Variants in TMC7 observed in about 807,000 individuals in gnomAD.
The protein encoded by TMC7 is transmembrane channel-like protein 7.
In TMC7, 54 loss-of-function variants were observed where a neutral mutation model predicts 82.9. The ratio of observed to expected loss-of-function variants is 0.65; its 90% CI spans 0.52 to 0.82. TMC7 has a LOEUF of 0.82. TMC7 is among the 40% of genes least tolerant of loss of function. TMC7 has a pLI of 0.00. For missense variants in TMC7, 820 were observed against 901.2 expected (o/e 0.91, Z 1.15); for synonymous variants, 350 against 337.9 (o/e 1.04, Z -0.39).
intron 6 of TMC7, among the ~76,000 whole-genome samples, chr16:19,031,657 C>T (rs555697017): frequency 3.9e-5 from 6 of 152,138 alleles, no homozygotes; most frequent in African/African-American, 7.2e-5. Flanking sequence ...GGCGACAGAG[C>T]GAGACTCTGT....
intron 3 of TMC7, among the ~76,000 whole-genome samples, chr16:19,018,988 C>A (rs1241786358): frequency 6.6e-6 from 1 of 152,138 alleles, no homozygotes; most frequent in Non-Finnish European, 1.5e-5. Context: ...GTAGCTGAGA[C>A]TACAGGCACG....
At chr16:18,990,080 T>C (rs1485196226) in intron 1 of TMC7, among the ~76,000 whole-genome samples, 1 of 151,986 alleles carries the variant, frequency 6.6e-6, no homozygotes, top group Non-Finnish European at 1.5e-5. Context: ...GGGGTGGATC[T>C]CACAAAGTAC....
intron 1 of TMC7, among the ~76,000 whole-genome samples, chr16:19,002,569 C>T (rs1289429559): frequency 6.6e-6 from 1 of 152,166 alleles, no homozygotes; most frequent in Non-Finnish European, 1.5e-5. Flanking sequence ...CAAGACACCG[C>T]TTTTAAGCCT....
At chr16:19,056,197 C>A (rs149385324) in intron 13 of TMC7, among the ~76,000 whole-genome samples, 1 of 151,574 alleles carries the variant, frequency 6.6e-6, no homozygotes, top group South Asian at 2.1e-4. Context: ...TCAAGTGATT[C>A]TCCTACCTCA....
rs564588438 is a variant in TMC7 at position 19,050,120 on chromosome 16, C to G, written c.1741-1566C>G. ...GGCCCGGTGGCTCATGCCTGTAATC[C>G]CAGCACTTTGGGAGGCCGAGGCCGG... On this transcript the variant is annotated intron_variant, in intron 12 of 15. Transcript: ENST00000304381. Among the ~76,000 whole-genome samples, 317 of 151,878 alleles carry G rather than the reference C, an allele frequency of 2.1e-3. 1 individual carries two copies. The highest frequency in any genetic ancestry group is 7.4e-3 in the African/African-American group (307 of 41,438).
At chr16:18,988,582 T>TA (rs2038895165) in intron 1 of TMC7, among the ~76,000 whole-genome samples, 1 of 150,864 alleles carries the variant, frequency 6.6e-6, no homozygotes, top group African/African-American at 2.4e-5. Context: ...TGAGCCACCA[T>TA]ACCCAGCCCA....
chr16:19,051,007 C>T (rs1961512610), intron 12 of TMC7, among the ~76,000 whole-genome samples: 1 of 152,140 alleles, frequency 6.6e-6, no homozygotes, highest in African/African-American at 2.4e-5. Flanking sequence ...CCGTTCTGAC[C>T]TCCCAAAGTG....
At chr16:19,018,196 A>G (rs1959796476) in intron 3 of TMC7, among the ~76,000 whole-genome samples, 1 of 152,188 alleles carries the variant, frequency 6.6e-6, no homozygotes, top group Non-Finnish European at 1.5e-5. Flanking sequence ...GAGGTTCATC[A>G]CTTTTACCAA....
chr16:18,993,360 A>G (rs1177342769), intron 1 of TMC7, among the ~76,000 whole-genome samples: 1 of 152,206 alleles, frequency 6.6e-6, no homozygotes, highest in Non-Finnish European at 1.5e-5. Context: ...TGTAACCTAC[A>G]TGGAAGAAGT....
At chr16:19,056,343 C>T (rs1961770162) in intron 13 of TMC7, among the ~76,000 whole-genome samples, 199 bp from the exon 14 acceptor site, 1 of 152,100 alleles carries the variant, frequency 6.6e-6, no homozygotes, top group Non-Finnish European at 1.5e-5. Context: ...GCCTCGGCCT[C>T]CCAAAGTGCT....
intron 14 of TMC7, 123 bp from the exon 15 acceptor site, chr16:19,059,293 T>C (rs1165937780): frequency 2.7e-6 from 4 of 1,495,328 alleles, no homozygotes; most frequent in African/African-American, 2.8e-5. Flanking sequence ...AAATGAGCCA[T>C]CATGCCCAGC....
chr16:19,005,531 T>C (rs144915361), intron 1 of TMC7, among the ~76,000 whole-genome samples: 64 of 152,182 alleles, frequency 4.2e-4, no homozygotes, highest in African/African-American at 1.3e-3. Context: ...ATTCCCGAGA[T>C]GAGAAAAATG....
chr16:19,026,627 T>A (rs1435694502), intron 5 of TMC7, among the ~76,000 whole-genome samples: 4 of 152,082 alleles, frequency 2.6e-5, no homozygotes, highest in Non-Finnish European at 5.9e-5. Flanking sequence ...TAGGAAAAAT[T>A]TTATAGGAGA....
chr16:19,061,184 T>C (rs1961993652), intron 15 of TMC7, among the ~76,000 whole-genome samples: 1 of 152,168 alleles, frequency 6.6e-6, no homozygotes, highest in Non-Finnish European at 1.5e-5. Flanking sequence ...TTTGTATTTT[T>C]AGTAGAGACG....
At chr16:19,021,196 T>C (rs1302322098) in intron 3 of TMC7, among the ~76,000 whole-genome samples, 1 of 152,312 alleles carries the variant, frequency 6.6e-6, no homozygotes, top group Non-Finnish European at 1.5e-5. Flanking sequence ...AAAGATACCA[T>C]GTGACAAGTC....
At chr16:19,061,735 T>G in intron 15 of TMC7, 43 bp from the exon 16 acceptor site, 1 of 1,550,684 alleles carries the variant, frequency 6.4e-7, no homozygotes, top group Non-Finnish European at 8.9e-7. Context: ...TGGTATTTGT[T>G]TCCAAATATA....
chr16:18,987,098 C>T (rs1017704388), intron 1 of TMC7, among the ~76,000 whole-genome samples: 14 of 152,074 alleles, frequency 9.2e-5, no homozygotes, highest in Non-Finnish European at 1.3e-4. Context: ...AGCCACCGTA[C>T]CCGGCCATAG....
In TMC7 at chr16:19,059,397, T is replaced by C; in HGVS notation, c.2028-19T>C. ...AGATGATCCAGACTCCCTTGTGACC[T>C]GTCTGTCTTGTGTTGCAGCCTCATC... On this transcript the variant is annotated intron_variant, in intron 14 of 15. Coordinates refer to ENST00000304381, the MANE Select transcript of TMC7 (RefSeq NM_024847.4). 1.2e-6 allele frequency: 2 copies of C among 1,609,736 alleles called. No individual in the cohort carries two copies. Among genetic ancestry groups the C allele is most frequent in the Non-Finnish European group, 8.5e-7 (1 of 1,176,838 alleles).
intron 1 of TMC7, among the ~76,000 whole-genome samples, chr16:18,991,775 C>T (rs761910107): frequency 6.6e-6 from 1 of 152,014 alleles, no homozygotes; most frequent in Non-Finnish European, 1.5e-5. Context: ...GTGATGTTCC[C>T]CTTTCTGTGT....
Sources: allele counts gnomAD v4.1 joint callset (sites outside exome capture counted in the v4.1 genomes callset), GRCh38; gene constraint gnomAD v4.1.1; transcripts MANE v1.5; gene names NCBI Gene and HGNC (gene_info 2026-07-23, HGNC 2026-07-21).